Variants in ZNF221 observed in about 807,000 individuals in gnomAD.
ZNF221 encodes zinc finger protein 221.
In ZNF221, 10 loss-of-function variants were observed where a neutral mutation model predicts 12.6. The observed-to-expected ratio is 0.79, with a 90% CI of 0.49 to 1.34. The LOEUF (loss-of-function observed/expected upper bound fraction) is 1.34. Among genes scored for constraint, ZNF221 ranks in the 40% most tolerant of loss-of-function variants. The pLI, the probability that ZNF221 is intolerant of heterozygous loss-of-function variation, is 0.00. For missense variants in ZNF221, 661 were observed against 721.4 expected (o/e 0.92, Z 0.96); for synonymous variants, 232 against 244.0 (o/e 0.95, Z 0.46).
chr19:43,972,401 G>A (rs436788), downstream of ZNF221, among the ~76,000 whole-genome samples: 117,746 of 151,926 alleles, frequency 0.78, 46,703 homozygotes, highest in Middle Eastern at 0.89. Flanking sequence ...GCAGAATACA[G>A]GAAATAAGAT....
intron 1 of ZNF221, among the ~76,000 whole-genome samples, chr19:43,952,561 A>G (rs1158261553): frequency 6.6e-6 from 1 of 152,234 alleles, no homozygotes; most frequent in Admixed American, 6.5e-5. Context: ...TAAAGATGAG[A>G]GTGAAACAAA....
At chr19:43,956,283 A>G (rs202165567) in intron 1 of ZNF221, among the ~76,000 whole-genome samples, 2 of 152,236 alleles carry the variant, frequency 1.3e-5, no homozygotes, top group Admixed American at 6.5e-5. Flanking sequence ...TGAAGGGTAG[A>G]TTTATATGCC....
chr19:43,969,214 G>A (rs892093569), downstream of ZNF221, among the ~76,000 whole-genome samples: 1 of 152,042 alleles, frequency 6.6e-6, no homozygotes, highest in Admixed American at 6.6e-5. Flanking sequence ...CATTTCTGTG[G>A]TTCAGTCTAC....
intron 1 of ZNF221, among the ~76,000 whole-genome samples, chr19:43,952,649 C>G (rs1293768710): frequency 6.6e-6 from 1 of 152,110 alleles, no homozygotes; most frequent in African/African-American, 2.4e-5. Context: ...CGGTCCAGGT[C>G]AGAGCCCAAG....
At chr19:43,955,362 T>C (rs1025097454) in intron 1 of ZNF221, among the ~76,000 whole-genome samples, 2 of 151,966 alleles carry the variant, frequency 1.3e-5, no homozygotes, top group Non-Finnish European at 2.9e-5. Flanking sequence ...CAAGAACATG[T>C]CTCGATTTAG....
intron 1 of ZNF221, among the ~76,000 whole-genome samples, chr19:43,954,563 C>T (rs1253248764): frequency 6.6e-6 from 1 of 152,154 alleles, no homozygotes; most frequent in African/African-American, 2.4e-5. Flanking sequence ...TTTTTACCAT[C>T]AGGAAATACA....
chr19:43,966,718 T>C lies in ZNF221; in HGVS notation c.1216T>C (p.Ser406Pro), dbSNP rs1464557124. Residue 406 changes from serine (S) to proline (P), a missense_variant, in exon 5 of 5, where the codon TCC (serine) becomes CCC (proline). By Grantham distance (74) the Ser-to-Pro change is moderately conservative. Transcript: ENST00000587682. Reference protein sequence around the residue: ...CKECGKTFRWSSCLLNHQQVH... With the variant: ...CKECGKTFRWPSCLLNHQQVH... ...AGAATGTGGGAAGACCTTCAGATGG[T>C]CCTCATGTCTTTTGAACCATCAGCA... 2 of 1,614,068 alleles carry C rather than the reference T, an allele frequency of 1.2e-6. No homozygotes were observed. The highest frequency in any genetic ancestry group is 1.7e-6 in the Non-Finnish European group (2 of 1,180,054).
At position 43,967,624 on chromosome 19, in the gene ZNF221, G is replaced by C; in HGVS notation, c.*268G>C. ...CTCCCGAGTAGCTGGGACTACAGGT[G>C]CCCGCCACCACACCCAGCTAATTTT... is the stretch of plus-strand genomic sequence containing the variant. On this transcript the variant is annotated 3_prime_UTR_variant, in exon 5 of 5. Transcript: ENST00000587682. 5.7e-6 allele frequency: 2 copies of C among 351,202 alleles called. No homozygotes were observed. Among genetic ancestry groups the C allele is most frequent in the Non-Finnish European group, 1.0e-5 (2 of 193,898 alleles). 21.8% of individuals were successfully genotyped at this position (351,202 alleles called of 1,614,324 possible).
chr19:43,965,661 C>T (rs1251654609), intron 4 of ZNF221, 143 bp from the exon 5 acceptor site: 2 of 747,916 alleles, frequency 2.7e-6, no homozygotes, highest in South Asian at 2.4e-5. Flanking sequence ...TCTTGAAAAC[C>T]AAAGACCATA....
At chr19:43,979,977 C>A in the ZNF221 span, among the ~76,000 whole-genome samples, 1 of 152,088 alleles carries the variant, frequency 6.6e-6, no homozygotes, top group Non-Finnish European at 1.5e-5. Flanking sequence ...AAGCATATAC[C>A]TATAGAAGGC....
chr19:43,953,502 A>T (rs180874043), intron 1 of ZNF221, among the ~76,000 whole-genome samples: 37 of 152,194 alleles, frequency 2.4e-4, no homozygotes, highest in Non-Finnish European at 4.7e-4. Flanking sequence ...GCCACTGGTG[A>T]TCAGCTTAAC....
the ZNF221 span, among the ~76,000 whole-genome samples, chr19:43,973,004 C>T: frequency 1.3e-5 from 2 of 152,232 alleles, no homozygotes; most frequent in South Asian, 2.1e-4. Flanking sequence ...AAATCCTCAA[C>T]AAAATACTGG....
chr19:43,974,682 T>C, the ZNF221 span, among the ~76,000 whole-genome samples: 1 of 151,556 alleles, frequency 6.6e-6, no homozygotes, highest in Non-Finnish European at 1.5e-5. Flanking sequence ...AAAACCACAA[T>C]GAGATACTGT....
At chr19:43,957,262 C>A (rs561065303) in intron 1 of ZNF221, among the ~76,000 whole-genome samples, 12 of 152,146 alleles carry the variant, frequency 7.9e-5, no homozygotes, top group Non-Finnish European at 1.3e-4. Context: ...CTCACTGCAA[C>A]CTCTGCCTCC....
chr19:43,953,179 G>A (rs138249736), intron 1 of ZNF221, among the ~76,000 whole-genome samples: 381 of 151,582 alleles, frequency 2.5e-3, no homozygotes, highest in African/African-American at 8.6e-3. Flanking sequence ...TCGAACTCCT[G>A]ACCTTAGGTG....
intron 1 of ZNF221, among the ~76,000 whole-genome samples, chr19:43,955,567 C>T (rs898851707): frequency 6.6e-6 from 1 of 151,970 alleles, no homozygotes; most frequent in African/African-American, 2.4e-5. Context: ...CTCACATGGG[C>T]ATCCCCTTTA....
chr19:43,955,171 G>C lies in ZNF221; in HGVS notation c.-3+3771G>C, dbSNP rs1037773507. Among the ~76,000 whole-genome samples, 15 of 151,518 alleles carry C rather than the reference G, an allele frequency of 9.9e-5. 1 individual carries two copies. The highest frequency in any genetic ancestry group is 8.6e-4 in the Admixed American group (13 of 15,178). Reference sequence around the variant, plus strand: ...TCTTCCACCATATAAGCAAAACCCGGTCAAGAATCAGTGTCTACTGCTGTC... The same window carrying C: ...TCTTCCACCATATAAGCAAAACCCGCTCAAGAATCAGTGTCTACTGCTGTC... On this transcript the variant is annotated intron_variant, in intron 1 of 4. Coordinates refer to ENST00000587682, the MANE Select transcript of ZNF221 (RefSeq NM_001297588.2).
At chr19:43,963,493 G>A (rs1052580719) in intron 2 of ZNF221, among the ~76,000 whole-genome samples, 2 of 152,188 alleles carry the variant, frequency 1.3e-5, no homozygotes, top group Non-Finnish European at 2.9e-5. Flanking sequence ...TAGATTCTGT[G>A]TTTGCCATGC....
chr19:43,971,905 A>C (rs1279779365), downstream of ZNF221, among the ~76,000 whole-genome samples: 1 of 152,192 alleles, frequency 6.6e-6, no homozygotes, highest in Non-Finnish European at 1.5e-5. Context: ...TGGATTAAGC[A>C]GACCTGATAG....
Sources: allele counts gnomAD v4.1 joint callset (sites outside exome capture counted in the v4.1 genomes callset), GRCh38; gene constraint gnomAD v4.1.1; transcripts MANE v1.5; gene names NCBI Gene and HGNC (gene_info 2026-07-23, HGNC 2026-07-21).